Variants in PTPRJ observed in about 807,000 individuals in gnomAD.
PTPRJ encodes the protein protein tyrosine phosphatase receptor type J.
PTPRJ carries 129 observed loss-of-function variants against 141.3 expected under a neutral mutation model. That is an observed-to-expected ratio of 0.91 (90% CI 0.79 to 1.06). The LOEUF (loss-of-function observed/expected upper bound fraction) is 1.06. Among genes scored for constraint, PTPRJ ranks in the 50% least tolerant of loss-of-function variants. The pLI, the probability that PTPRJ is intolerant of heterozygous loss-of-function variation, is 0.00. For synonymous variants in PTPRJ, 610 were observed against 640.5 expected (o/e 0.95, Z 0.72); for missense variants, 1,601 against 1,679.7 (o/e 0.95, Z 0.82).
Position 48,127,647 on chromosome 11 carries a change from G to A in PTPRJ, c.1094-133G>A, listed in dbSNP as rs558285855. The A allele has an allele frequency of 1.0e-4, 95 of 930,458 alleles. No homozygotes were observed. In the East Asian group the frequency reaches 1.8e-3, roughly 17 times the overall value. The allele number at this position is 930,458 out of a possible 1,614,324, so 57.6% of individuals were successfully genotyped here. A position where few individuals can be genotyped will look rare whatever the true frequency, so the allele number is the denominator to read the frequency against. ...GGGACCGTCATGCTTTCCTAGCCAC[G>A]GTTGATGGTGCAGAGGAGGAAGGAA... On this transcript the variant is annotated intron_variant, in intron 6 of 24. Transcript: ENST00000418331.
chr11:48,067,449 T>C (rs1180749022), intron 1 of PTPRJ, among the ~76,000 whole-genome samples: 1 of 152,200 alleles, frequency 6.6e-6, no homozygotes, highest in Admixed American at 6.5e-5. Flanking sequence ...TTACAGACTA[T>C]TGTCCAGGAA....
chr11:47,994,826 A>G (rs1464145247), intron 1 of PTPRJ, among the ~76,000 whole-genome samples: 2 of 152,226 alleles, frequency 1.3e-5, no homozygotes, highest in African/African-American at 4.8e-5. Context: ...AACCACAAAC[A>G]TGGACATATT....
chr11:48,104,019 C>T (rs1856226130), intron 1 of PTPRJ, among the ~76,000 whole-genome samples: 1 of 152,202 alleles, frequency 6.6e-6, no homozygotes. Context: ...ATTATTCTGC[C>T]TCTTCCCCAC....
intron 1 of PTPRJ, among the ~76,000 whole-genome samples, chr11:48,053,285 A>G (rs1854642291): frequency 1.1e-5 from 1 of 90,562 alleles, no homozygotes; most frequent in Non-Finnish European, 2.0e-5. Context: ...ATATAAATAT[A>G]TAAAAATATA....
chr11:48,012,351 A>G (rs531484721), intron 1 of PTPRJ, among the ~76,000 whole-genome samples: 185 of 152,184 alleles, frequency 1.2e-3, no homozygotes, highest in African/African-American at 4.2e-3. Context: ...GTCTTATACC[A>G]TATTCCAGTC....
intron 1 of PTPRJ, among the ~76,000 whole-genome samples, chr11:48,024,060 C>G (rs189130354): frequency 1.3e-5 from 2 of 152,146 alleles, no homozygotes; most frequent in East Asian, 3.9e-4. Flanking sequence ...GCAGGCCCCC[C>G]ACCTGGACCC....
chr11:48,083,302 G>A (rs1410949674), intron 1 of PTPRJ, among the ~76,000 whole-genome samples: 2 of 152,212 alleles, frequency 1.3e-5, no homozygotes, highest in Admixed American at 1.3e-4. Context: ...GTGTGCGCCT[G>A]TAATCCCAGC....
At position 48,157,670 on chromosome 11, in the gene PTPRJ, A is replaced by G. The variant is rs117457824; in HGVS notation, c.3438+1551A>G. On this transcript the variant is annotated intron_variant, in intron 21 of 24. Transcript: ENST00000418331. ...ATTGTTCTTTAATTCATGGTAAGCTAGCAGATGTTTATCCAGCCCCTGGTA... is the reference window on the plus strand; with the variant it reads ...ATTGTTCTTTAATTCATGGTAAGCTGGCAGATGTTTATCCAGCCCCTGGTA... Among the ~76,000 whole-genome samples, 6 of 152,256 alleles carry G rather than the reference A, an allele frequency of 3.9e-5. No homozygotes were observed. In the East Asian group the frequency reaches 1.2e-3, roughly 29 times the overall value.
intron 1 of PTPRJ, among the ~76,000 whole-genome samples, chr11:48,091,607 T>A (rs1034120209): frequency 6.6e-6 from 1 of 152,184 alleles, no homozygotes; most frequent in Non-Finnish European, 1.5e-5. Flanking sequence ...AAACATGTAG[T>A]TTATGCAACT....
intron 1 of PTPRJ, 100 bp from the exon 2 acceptor site, chr11:48,109,958 A>G (rs1482803766): frequency 1.5e-6 from 2 of 1,348,452 alleles, no homozygotes; most frequent in Non-Finnish European, 1.1e-6. Context: ...GCTTCTTACC[A>G]CCCCACCCCC....
chr11:48,010,436 C>G lies in PTPRJ; in HGVS notation c.96+29428C>G, dbSNP rs143940690. On this transcript the variant is annotated intron_variant, in intron 1 of 24. Transcript: ENST00000418331. ...TCAAGTGATCCGCCCGTCTCAGCCT[C>G]CCAAAGTGCTGGGATTACAGGGTGA... 9.8e-3 allele frequency among the ~76,000 whole-genome samples: 1,488 copies of G among 151,930 alleles called. 31 individuals are homozygous for G. Among genetic ancestry groups the G allele is most frequent in the African/African-American group, 0.034 (1,423 of 41,402 alleles).
intron 3 of PTPRJ, among the ~76,000 whole-genome samples, chr11:48,116,323 C>T (rs1405124797): frequency 6.6e-6 from 1 of 152,078 alleles, no homozygotes; most frequent in Non-Finnish European, 1.5e-5. Context: ...TTAATGGAGA[C>T]AACAAACATC....
intron 1 of PTPRJ, among the ~76,000 whole-genome samples, chr11:48,074,427 A>T (rs929510076): frequency 6.6e-6 from 1 of 152,220 alleles, no homozygotes. Context: ...ATTTCCCAGC[A>T]TGAGACCCAA....
intron 8 of PTPRJ, among the ~76,000 whole-genome samples, chr11:48,135,122 T>C (rs1857062395): frequency 6.7e-6 from 1 of 150,352 alleles, no homozygotes; most frequent in African/African-American, 2.4e-5. Context: ...CCAGCACCCA[T>C]ATAAAAAAAC....
chr11:48,116,396 C>G (rs780978780), intron 3 of PTPRJ, among the ~76,000 whole-genome samples: 30 of 152,140 alleles, frequency 2.0e-4, no homozygotes, highest in Admixed American at 6.5e-5. Flanking sequence ...TATATATGCA[C>G]CCAGCATTGG....
At chr11:48,166,145 G>A (rs1857911748) in intron 24 of PTPRJ, among the ~76,000 whole-genome samples, 1 of 151,934 alleles carries the variant, frequency 6.6e-6, no homozygotes, top group South Asian at 2.1e-4. Flanking sequence ...TTACAGGTGT[G>A]AGCCACCGTG....
At chr11:48,040,497 T>C (rs901851385) in intron 1 of PTPRJ, among the ~76,000 whole-genome samples, 6 of 152,210 alleles carry the variant, frequency 3.9e-5, no homozygotes, top group Admixed American at 3.9e-4. Flanking sequence ...CAGATCTGGT[T>C]GTGCCATTCC....
At chr11:47,997,825 A>G (rs763287087) in intron 1 of PTPRJ, among the ~76,000 whole-genome samples, 4 of 151,756 alleles carry the variant, frequency 2.6e-5, no homozygotes, top group Admixed American at 6.6e-5. Context: ...TCCCTGGAGC[A>G]ATTTTCAGCT....
At chr11:48,073,114 G>A (rs1590467997) in intron 1 of PTPRJ, among the ~76,000 whole-genome samples, 1 of 152,180 alleles carries the variant, frequency 6.6e-6, no homozygotes, top group Non-Finnish European at 1.5e-5. Context: ...GCTTCACCTT[G>A]TGCCCACTGG....
Sources: allele counts gnomAD v4.1 joint callset (sites outside exome capture counted in the v4.1 genomes callset), GRCh38; gene constraint gnomAD v4.1.1; transcripts MANE v1.5; gene names NCBI Gene and HGNC (gene_info 2026-07-23, HGNC 2026-07-21).